The following BTBD9 variants were observed in gnomAD, a reference collection of about 807,000 sequenced individuals.
BTBD9 encodes the protein BTB domain containing 9.
Under a neutral mutation model 64.3 loss-of-function variants are expected in BTBD9, and 49 were observed. The ratio of observed to expected loss-of-function variants is 0.76; its 90% CI spans 0.61 to 0.97. The LOEUF (loss-of-function observed/expected upper bound fraction) is 0.97. Ranked by LOEUF, BTBD9 falls within the 50% of genes least tolerant of loss-of-function variation. The probability of loss-of-function intolerance (pLI) is 0.00; values close to 1 mark genes in which losing one functional copy is unlikely to be tolerated. For synonymous variants in BTBD9, 260 were observed against 274.7 expected (o/e 0.95, Z 0.53); for missense variants, 598 against 762.1 (o/e 0.78, Z 2.53).
intron 6 of BTBD9, among the ~76,000 whole-genome samples, chr6:38,431,519 A>G (rs1768436980): frequency 6.6e-6 from 1 of 152,206 alleles, no homozygotes; most frequent in Non-Finnish European, 1.5e-5. Context: ...GATAGCCTTC[A>G]AAAACCCTAG....
intron 6 of BTBD9, among the ~76,000 whole-genome samples, chr6:38,518,786 T>C (rs972554387): frequency 2.6e-5 from 4 of 152,216 alleles, no homozygotes; most frequent in Non-Finnish European, 4.4e-5. Flanking sequence ...AGCATCTGGC[T>C]GGTTGGAGAG....
In BTBD9 at chr6:38,344,967, C is replaced by G. The variant is rs57898684; in HGVS notation, c.1264+17G>C. 5.5e-3 allele frequency: 8,029 copies of G among 1,460,388 alleles called. 331 individuals carry two copies. In the African/African-American group the frequency reaches 0.094, roughly 17 times the overall value. 90.5% of individuals were successfully genotyped at this position (1,460,388 alleles called of 1,614,324 possible). A position where few individuals can be genotyped will look rare whatever the true frequency, so the allele number is the denominator to read the frequency against. On this transcript the variant is annotated intron_variant, in intron 7 of 10. Coordinates refer to ENST00000481247, the MANE Select transcript of BTBD9 (RefSeq NM_001099272.2). ...AATATCCAAATATACATACAAAAAT[C>G]TAATGGTAATACTTACCTATCAGCC... is the stretch of plus-strand genomic sequence containing the variant.
chr6:38,483,036 C>G (rs1369178280), intron 6 of BTBD9, among the ~76,000 whole-genome samples: 1 of 152,012 alleles, frequency 6.6e-6, no homozygotes, highest in East Asian at 1.9e-4. Flanking sequence ...ATCCACTCTC[C>G]TGCATTATCA....
At chr6:38,218,571 A>G (rs569963828) in intron 9 of BTBD9, among the ~76,000 whole-genome samples, 15 of 152,304 alleles carry the variant, frequency 9.8e-5, no homozygotes, top group African/African-American at 3.6e-4. Context: ...TCTACTTTAG[A>G]TCCCTTCCCA....
At chr6:38,297,539 T>C (rs1762203384) in intron 7 of BTBD9, among the ~76,000 whole-genome samples, 2 of 152,194 alleles carry the variant, frequency 1.3e-5, no homozygotes, top group Non-Finnish European at 2.9e-5. Flanking sequence ...TGTTCGTTAT[T>C]CTTAACAATG....
At chr6:38,496,471 T>C (rs139995155) in intron 6 of BTBD9, among the ~76,000 whole-genome samples, 1,979 of 151,576 alleles carry the variant, frequency 0.013, 46 homozygotes, top group African/African-American at 0.045. Flanking sequence ...AGGGAGACTC[T>C]GTCACTACAA....
Position 38,594,223 on chromosome 6 carries a change from G to C in BTBD9, c.290C>G (p.Thr97Ser). The C allele has an allele frequency of 7.4e-6, 12 of 1,614,196 alleles. No homozygotes were observed. The highest frequency in any genetic ancestry group is 1.0e-5 in the Non-Finnish European group (12 of 1,180,032). Residue 97 changes from threonine (T) to serine (S), a missense_variant, in exon 3 of 11, where the codon ACT (threonine) becomes AGT (serine). Coordinates refer to ENST00000481247, the MANE Select transcript of BTBD9 (RefSeq NM_001099272.2). ...AFTMLLKYIY[T>S]GRATLTDEKE... ...CTCATCTGTCAGCGTTGCCCGCCCA[G>C]TGTAGATATATTTGAGTAGCATTGT...
intron 6 of BTBD9, among the ~76,000 whole-genome samples, chr6:38,374,183 C>T (rs1582316318): frequency 1.3e-5 from 2 of 148,432 alleles, no homozygotes; most frequent in South Asian, 2.1e-4. Flanking sequence ...GCAGGAGAAT[C>T]GCTTGAAACT....
chr6:38,484,993 A>T (rs1470152251), intron 6 of BTBD9, among the ~76,000 whole-genome samples: 1 of 152,210 alleles, frequency 6.6e-6, no homozygotes, highest in Non-Finnish European at 1.5e-5. Flanking sequence ...GTTTGACAGC[A>T]TTTTTACCAA....
chr6:38,450,198 G>C (rs546681126), intron 6 of BTBD9, among the ~76,000 whole-genome samples: 2 of 152,330 alleles, frequency 1.3e-5, no homozygotes, highest in South Asian at 4.1e-4. Context: ...CTCATATGTG[G>C]AATCTAAAAA....
intron 6 of BTBD9, among the ~76,000 whole-genome samples, chr6:38,495,634 A>T (rs2127395132): frequency 6.6e-6 from 1 of 152,318 alleles, no homozygotes; most frequent in East Asian, 1.9e-4. Flanking sequence ...TTCTATACAT[A>T]ATCGTATTAC....
intron 6 of BTBD9, among the ~76,000 whole-genome samples, chr6:38,351,501 G>GTT (rs1562062660): frequency 1.1e-4 from 14 of 125,480 alleles, no homozygotes; most frequent in Admixed American, 6.2e-4. Flanking sequence ...ATATTTAATT[G>GTT]TTGTTGTTTT....
chr6:38,288,536 A>G, intron 7 of BTBD9, 75 bp from the exon 8 acceptor site: 1 of 1,135,760 alleles, frequency 8.8e-7, no homozygotes, highest in Non-Finnish European at 1.3e-6. Flanking sequence ...CTCAGAACAA[A>G]ATTAATTAAT....
chr6:38,559,090 C>T (rs534631403), intron 6 of BTBD9, among the ~76,000 whole-genome samples: 13 of 152,102 alleles, frequency 8.5e-5, no homozygotes, highest in African/African-American at 2.4e-4. Context: ...GATTCCATTT[C>T]GAAACTTGAT....
intron 6 of BTBD9, 56 bp downstream of exon 6, chr6:38,577,544 A>G: frequency 6.5e-7 from 1 of 1,526,800 alleles, no homozygotes; most frequent in Non-Finnish European, 8.8e-7. Context: ...TGCTTCTCCA[A>G]GTCCAAATCT....
At chr6:38,292,466 A>G (rs1395709451) in intron 7 of BTBD9, among the ~76,000 whole-genome samples, 1 of 152,048 alleles carries the variant, frequency 6.6e-6, no homozygotes, top group East Asian at 1.9e-4. Context: ...TTTGGTTGGT[A>G]GGCTATTAAT....
At chr6:38,362,729 A>T (rs905956492) in intron 6 of BTBD9, among the ~76,000 whole-genome samples, 1 of 152,214 alleles carries the variant, frequency 6.6e-6, no homozygotes, top group Non-Finnish European at 1.5e-5. Flanking sequence ...GGATTTGATG[A>T]GTATAGCAGA....
At position 38,608,974 on chromosome 6, in the gene BTBD9, C is replaced by G. The variant is rs530534568; in HGVS notation, c.-27-10853G>C. On this transcript the variant is annotated intron_variant, in intron 1 of 10. Transcript: ENST00000481247. ...GAAAAAGAAACTCAGAAACAAGTAT[C>G]TCCATGCAGTCTAGGAGTTACTGTC... 7.2e-5 allele frequency among the ~76,000 whole-genome samples: 11 copies of G among 152,278 alleles called. No individual in the cohort carries two copies. The South Asian group carries it at 1.9e-3, about 26-fold the overall frequency.
chr6:38,561,756 A>T (rs1431502770), intron 6 of BTBD9, among the ~76,000 whole-genome samples: 1 of 152,130 alleles, frequency 6.6e-6, no homozygotes, highest in Non-Finnish European at 1.5e-5. Flanking sequence ...GTAAATAAAG[A>T]TGAGAACAGT....
Sources: gnomAD v4.1 joint callset for allele counts (sites outside exome capture counted in the v4.1 genomes callset) on GRCh38, gnomAD v4.1.1 for gene constraint, MANE v1.5 for transcripts, NCBI Gene and HGNC (gene_info 2026-07-23, HGNC 2026-07-21) for gene names.